The following SMYD3 variants were observed in gnomAD, a reference collection of about 807,000 sequenced individuals.
The protein encoded by SMYD3 is SET and MYND domain containing 3, also known as histone-lysine N-methyltransferase SMYD3.
Under a neutral mutation model 57.7 loss-of-function variants are expected in SMYD3, and 36 were observed. That is an observed-to-expected ratio of 0.62 (90% CI 0.48 to 0.82). The LOEUF (loss-of-function observed/expected upper bound fraction) is 0.82. Ranked by LOEUF, SMYD3 falls within the 40% of genes least tolerant of loss-of-function variation. The pLI, the probability that SMYD3 is intolerant of heterozygous loss-of-function variation, is 0.00. For missense variants in SMYD3, 515 were observed against 538.8 expected (o/e 0.96, Z 0.44); for synonymous variants, 211 against 195.0 (o/e 1.08, Z -0.68).
At chr1:246,315,531 T>C (rs909703038) in intron 5 of SMYD3, among the ~76,000 whole-genome samples, 1 of 152,204 alleles carries the variant, frequency 6.6e-6, no homozygotes, top group Non-Finnish European at 1.5e-5. Flanking sequence ...GCCTACCTTA[T>C]AGAGACAACC....
At chr1:246,480,226 C>T (rs2068083723) in intron 1 of SMYD3, among the ~76,000 whole-genome samples, 1 of 152,202 alleles carries the variant, frequency 6.6e-6, no homozygotes, top group Admixed American at 6.5e-5. Flanking sequence ...GTTGACCATC[C>T]TGGCCTCAAG....
intron 1 of SMYD3, among the ~76,000 whole-genome samples, chr1:246,465,995 C>T (rs769074716): frequency 1.4e-4 from 21 of 152,224 alleles, no homozygotes; most frequent in African/African-American, 2.2e-4. Flanking sequence ...TGGTCTCAAA[C>T]TCCTGGCCTC....
intron 5 of SMYD3, among the ~76,000 whole-genome samples, chr1:246,146,511 AGAG>A (rs1439536669): frequency 3.9e-5 from 6 of 152,218 alleles, no homozygotes; most frequent in Non-Finnish European, 7.3e-5. Context: ...CAGCAGTTAA[AGAG>A]GAGACAGTAA....
chr1:246,350,988 A>G (rs990551078), intron 2 of SMYD3, among the ~76,000 whole-genome samples: 2 of 152,228 alleles, frequency 1.3e-5, no homozygotes, highest in African/African-American at 2.4e-5. Flanking sequence ...TTTATGAAGT[A>G]AACAAAGCTT....
chr1:246,091,027 C>T (rs1480350009), intron 5 of SMYD3, among the ~76,000 whole-genome samples: 1 of 152,178 alleles, frequency 6.6e-6, no homozygotes, highest in Non-Finnish European at 1.5e-5. Flanking sequence ...CCTTTCATTT[C>T]AAGGCTCTCG....
At chr1:246,002,303 G>T (rs1572872638) in intron 5 of SMYD3, among the ~76,000 whole-genome samples, 1 of 100,618 alleles carries the variant, frequency 9.9e-6, no homozygotes, top group Non-Finnish European at 2.4e-5. Context: ...TCCTGCCTCA[G>T]CCTCCCGAGT....
At chr1:246,378,725 T>TAATATAA (rs1558433584) in intron 1 of SMYD3, among the ~76,000 whole-genome samples, 1 of 28,738 alleles carries the variant, frequency 3.5e-5, no homozygotes, top group African/African-American at 9.9e-5. Flanking sequence ...ATATAATATA[T>TAATATAA]TATATATTAT....
At chr1:245,939,649 G>A (rs1207879812) in intron 5 of SMYD3, among the ~76,000 whole-genome samples, 1 of 109,970 alleles carries the variant, frequency 9.1e-6, no homozygotes, top group African/African-American at 2.8e-5. Flanking sequence ...TAAATAAATA[G>A]CCAAACCCTG....
intron 2 of SMYD3, among the ~76,000 whole-genome samples, chr1:246,353,473 T>G (rs2065864756): frequency 6.6e-6 from 1 of 152,038 alleles, no homozygotes; most frequent in South Asian, 2.1e-4. Context: ...AAGACTGCAG[T>G]GAACTTGATA....
intron 3 of SMYD3, among the ~76,000 whole-genome samples, chr1:246,331,062 C>T (rs1001075936): frequency 6.6e-6 from 1 of 152,084 alleles, no homozygotes; most frequent in Non-Finnish European, 1.5e-5. Context: ...TTGAGCCCAG[C>T]AGTTCAAGCT....
At chr1:245,998,926 C>A (rs575487881) in intron 5 of SMYD3, among the ~76,000 whole-genome samples, 1 of 151,970 alleles carries the variant, frequency 6.6e-6, no homozygotes, top group Non-Finnish European at 1.5e-5. Context: ...ATTCCACTTA[C>A]GAGAGGTTCT....
chr1:245,778,958 G>A (rs754693249), intron 10 of SMYD3, among the ~76,000 whole-genome samples: 2 of 151,976 alleles, frequency 1.3e-5, no homozygotes, highest in Admixed American at 6.6e-5. Flanking sequence ...CCAGGAGTTC[G>A]AGACCAGCCT....
chr1:246,287,967 T>A lies in SMYD3; in HGVS notation c.531+39234A>T, dbSNP rs539534620. ...AACCACCTAGGAAGGCCTTGGAACGTTACACGGCCTGGGGCCCCCACCCCC... is the reference window on the plus strand; with the variant it reads ...AACCACCTAGGAAGGCCTTGGAACGATACACGGCCTGGGGCCCCCACCCCC... On this transcript the variant is annotated intron_variant, in intron 5 of 11. Coordinates refer to ENST00000490107, the MANE Select transcript of SMYD3 (RefSeq NM_001167740.2). 1.5e-4 allele frequency among the ~76,000 whole-genome samples: 23 copies of A among 151,826 alleles called. No individual in the cohort carries two copies. In the South Asian group the frequency reaches 4.4e-3, roughly 29 times the overall value.
chr1:246,225,321 CAAAAAAA>C (rs60915002), intron 5 of SMYD3, among the ~76,000 whole-genome samples: 5 of 76,306 alleles, frequency 6.6e-5, no homozygotes, highest in African/African-American at 1.4e-4. Flanking sequence ...GCTGAAAAGT[CAAAAAAA>C]AAAAAAAAAA....
At chr1:246,240,760 A>G (rs1252666131) in intron 5 of SMYD3, among the ~76,000 whole-genome samples, 1 of 151,972 alleles carries the variant, frequency 6.6e-6, no homozygotes, top group Non-Finnish European at 1.5e-5. Context: ...GTCCTCTTTT[A>G]TTTCATTGAG....
intron 8 of SMYD3, among the ~76,000 whole-genome samples, chr1:245,884,139 T>TA (rs1267043855): frequency 6.6e-6 from 1 of 152,130 alleles, no homozygotes; most frequent in East Asian, 1.9e-4. Context: ...CATATCTTCT[T>TA]AAAAAAGCCC....
At chr1:246,275,458 G>C (rs1300970443) in intron 5 of SMYD3, among the ~76,000 whole-genome samples, 1 of 103,256 alleles carries the variant, frequency 9.7e-6, no homozygotes, top group African/African-American at 3.2e-5. Flanking sequence ...TTTTTTACTA[G>C]CTGTATTAAC....
chr1:245,883,559 G>A (rs1016546513), intron 8 of SMYD3, among the ~76,000 whole-genome samples: 5 of 152,160 alleles, frequency 3.3e-5, no homozygotes, highest in Non-Finnish European at 5.9e-5. Flanking sequence ...TTTATTTCCT[G>A]TATAATAATT....
At chr1:245,973,946 G>A (rs1451795403) in intron 5 of SMYD3, among the ~76,000 whole-genome samples, 1 of 152,126 alleles carries the variant, frequency 6.6e-6, no homozygotes, top group Non-Finnish European at 1.5e-5. Flanking sequence ...TCATATGAGA[G>A]TCATTTTGTA....
Sources: gnomAD v4.1 joint callset for allele counts (sites outside exome capture counted in the v4.1 genomes callset) on GRCh38, gnomAD v4.1.1 for gene constraint, MANE v1.5 for transcripts, NCBI Gene and HGNC (gene_info 2026-07-23, HGNC 2026-07-21) for gene names.